The following OR4N2 variants were observed in gnomAD, a reference collection of about 807,000 sequenced individuals.
The protein encoded by OR4N2 is olfactory receptor family 4 subfamily N member 2, also known as olfactory receptor 4N2.
For synonymous variants in OR4N2, 141 were observed against 140.4 expected, an observed-to-expected ratio of 1.00 and a Z score of -0.03; for missense variants, 307 against 377.6, an observed-to-expected ratio of 0.81 and a Z score of 1.55.
intron 1 of OR4N2, among the ~76,000 whole-genome samples, chr14:19,823,212 G>A (rs908669158): frequency 1.8e-4 from 28 of 152,112 alleles, no homozygotes; most frequent in African/African-American, 6.5e-4. Flanking sequence ...CATCATTAGT[G>A]AGCTATTACT....
intron 1 of OR4N2, among the ~76,000 whole-genome samples, chr14:19,812,497 T>C (rs1879325650): frequency 6.6e-6 from 1 of 151,138 alleles, no homozygotes; most frequent in Non-Finnish European, 1.5e-5. Context: ...GCCGAGATAA[T>C]TTTTTTGTTT....
At position 19,828,226 on chromosome 14, in the gene OR4N2, C is replaced by T. The variant is rs145567436; in HGVS notation, c.778C>T (p.Arg260Cys). Residue 260 changes from arginine to cysteine, a missense_variant, in exon 2 of 2, where the codon CGC (arginine) becomes TGC (cysteine). Arg to Cys is a radical substitution (Grantham distance 180, BLOSUM62 -3). Transcript: ENST00000557677. ...TGGACCTGGCATCTTCATCTACACG[C>T]GCCCCTTCAGGGCTTTCCCAGCTGA... ...MFGPGIFIYT[R>C]PFRAFPADKV... 100 of 1,614,214 alleles carry T rather than the reference C, an allele frequency of 6.2e-5. No individual in the cohort carries two copies. The East Asian group carries it at 7.6e-4, about 12-fold the overall frequency.
chr14:19,817,137 T>C (rs1291233958), intron 1 of OR4N2, among the ~76,000 whole-genome samples: 2 of 152,188 alleles, frequency 1.3e-5, no homozygotes, highest in Non-Finnish European at 2.9e-5. Flanking sequence ...ATCAGGGATA[T>C]TGATCTGAAA....
chr14:19,829,212 C>T lies in OR4N2; in HGVS notation c.*840C>T, dbSNP rs916170315. 4 of 152,216 alleles carry T rather than the reference C, an allele frequency of 2.6e-5. No individual in the cohort carries two copies. Among genetic ancestry groups the T allele is most frequent in the Non-Finnish European group, 4.4e-5 (3 of 68,040 alleles). The allele number at this position is 152,216 out of a possible 1,614,324, so 9.4% of individuals were successfully genotyped here. A position where few individuals can be genotyped will look rare whatever the true frequency, so the allele number is the denominator to read the frequency against. On this transcript the variant is annotated 3_prime_UTR_variant, in exon 2 of 2. Coordinates refer to ENST00000557677, the MANE Select transcript of OR4N2 (RefSeq NM_001004723.3). ...TGGTTACTTTTACTGAAAAAGATCA[C>T]AAAAACATTTTACTTTTTTTTTCTA...
Position 19,807,714 on chromosome 14 carries a change from G to T in OR4N2, c.-10+3870G>T, listed in dbSNP as rs370295944. The stretch of plus-strand genomic sequence containing the variant: ...TATTCCAAAAAATTGAGGAGGAGGA[G>T]CTCCTCCCTAACTCATTCTATGAAG... On this transcript the variant is annotated intron_variant, in intron 1 of 1. Transcript: ENST00000557677. 3.9e-5 allele frequency among the ~76,000 whole-genome samples: 6 copies of T among 152,064 alleles called. No homozygotes were observed. In the East Asian group the frequency reaches 1.2e-3, roughly 29 times the overall value.
chr14:19,804,708 T>C (rs1371463462), intron 1 of OR4N2, among the ~76,000 whole-genome samples: 1 of 152,242 alleles, frequency 6.6e-6, no homozygotes, highest in African/African-American at 2.4e-5. Context: ...AGATGTCTGT[T>C]AGGACCATTT....
rs1301293593 is a variant in OR4N2 at position 19,828,310 on chromosome 14, A to G, written c.862A>G (p.Thr288Ala). ...IFPLLNPVIY[T>A]LRNQEVKASM... ...TCCTTTGTTGAATCCTGTCATTTAT[A>G]CCCTTCGCAACCAGGAAGTGAAAGC... The change falls in exon 2 of 2, where the codon ACC becomes GCC. Residue 288 changes from threonine (T) to alanine (A), a missense_variant. Physicochemically the swap from Thr to Ala is moderately conservative, Grantham distance 58 (BLOSUM62 0). Coordinates refer to ENST00000557677, the MANE Select transcript of OR4N2 (RefSeq NM_001004723.3). The G allele has an allele frequency of 6.2e-7, 1 of 1,613,866 alleles. No homozygotes were observed. Among genetic ancestry groups the G allele is most frequent in the East Asian group, 2.2e-5 (1 of 44,900 alleles).
rs756343717 is a variant in OR4N2 at position 19,828,187 on chromosome 14, A to C, written c.739A>C (p.Ile247Leu). 6.2e-7 allele frequency: 1 copy of C among 1,614,192 alleles called. No homozygotes were observed. Among genetic ancestry groups the C allele is most frequent in the South Asian group, 1.1e-5 (1 of 91,092 alleles). The change falls in exon 2 of 2, where the codon ATA becomes CTA. Residue 247 changes from isoleucine (I) to leucine (L), a missense_variant. Physicochemically the swap from Ile to Leu is conservative, Grantham distance 5. Transcript: ENST00000557677. ...CACGTGCATCACCCATATCATTGTT[A>C]TATTCTTCATGTTTGGACCTGGCAT... is the stretch of plus-strand genomic sequence containing the variant. ...MSTCITHIIV[I>L]FFMFGPGIFI...
Position 19,829,922 on chromosome 14 carries a change from T to G in OR4N2, c.*1550T>G, listed in dbSNP as rs943961969. 1.3e-5 allele frequency: 2 copies of G among 152,270 alleles called. No homozygotes were observed. Among genetic ancestry groups the G allele is most frequent in the African/African-American group, 4.8e-5 (2 of 41,460 alleles). 9.4% of individuals were successfully genotyped at this position (152,270 alleles called of 1,614,324 possible). On this transcript the variant is annotated 3_prime_UTR_variant, in exon 2 of 2. Transcript: ENST00000557677. ...ACTCTGTTTATTGCGTTGCTTCCTG[T>G]TTTAGTGAGAAAGGTAGCAGGTGAG...
At chr14:19,806,708 T>C (rs1465190419) in intron 1 of OR4N2, among the ~76,000 whole-genome samples, 1 of 152,180 alleles carries the variant, frequency 6.6e-6, no homozygotes, top group Non-Finnish European at 1.5e-5. Context: ...CTTGACTAAT[T>C]GGACCTAATA....
chr14:19,816,242 A>C (rs1158914852), intron 1 of OR4N2, among the ~76,000 whole-genome samples: 1 of 152,228 alleles, frequency 6.6e-6, no homozygotes, highest in Non-Finnish European at 1.5e-5. Context: ...GAAGAAAGTC[A>C]GTGGTAGCTT....
intron 1 of OR4N2, among the ~76,000 whole-genome samples, chr14:19,806,404 A>T (rs1174369875): frequency 2.0e-5 from 3 of 152,146 alleles, no homozygotes; most frequent in Non-Finnish European, 4.4e-5. Context: ...CAAAAAACAA[A>T]CAAACAAAAA....
chr14:19,824,848 A>G (rs1294098529), intron 1 of OR4N2, among the ~76,000 whole-genome samples: 4 of 152,242 alleles, frequency 2.6e-5, no homozygotes, highest in Admixed American at 2.6e-4. Context: ...TCAACTGTCT[A>G]TGTTACCAGC....
intron 1 of OR4N2, among the ~76,000 whole-genome samples, chr14:19,809,750 A>G (rs1879251456): frequency 6.6e-6 from 1 of 152,224 alleles, no homozygotes; most frequent in Non-Finnish European, 1.5e-5. Context: ...AGCAATAGGG[A>G]AAGGACTTTC....
At position 19,826,398 on chromosome 14, in the gene OR4N2, C is replaced by A. The variant is rs184218583; in HGVS notation, c.-9-1042C>A. On this transcript the variant is annotated intron_variant, in intron 1 of 1. Transcript: ENST00000557677. ...TCATTGAAGCTGTGATTAAAAAATT[C>A]TTTATCTATTTAAACTGAAGAGTAT... Among the ~76,000 whole-genome samples, 133 of 152,310 alleles carry A rather than the reference C, an allele frequency of 8.7e-4. 2 individuals are homozygous for A. The highest frequency in any genetic ancestry group is 8.4e-3 in the Admixed American group (128 of 15,294).
chr14:19,821,633 G>A (rs1312575886), intron 1 of OR4N2, among the ~76,000 whole-genome samples: 1 of 152,152 alleles, frequency 6.6e-6, no homozygotes, highest in African/African-American at 2.4e-5. Flanking sequence ...TCTGAATAGG[G>A]TTCTGTCTTT....
chr14:19,817,425 T>A (rs1291790738), intron 1 of OR4N2, among the ~76,000 whole-genome samples: 1 of 152,170 alleles, frequency 6.6e-6, no homozygotes, highest in Non-Finnish European at 1.5e-5. Flanking sequence ...CTTGGGAGGG[T>A]GTATGTGCCC....
chr14:19,819,558 A>G (rs1879511414), intron 1 of OR4N2, among the ~76,000 whole-genome samples: 1 of 152,200 alleles, frequency 6.6e-6, no homozygotes. Context: ...GTTCTTTTCT[A>G]AAGTGGTTAT....
At position 19,819,564 on chromosome 14, in the gene OR4N2, G is replaced by A. The variant is rs142136710; in HGVS notation, c.-9-7876G>A. Among the ~76,000 whole-genome samples, 267 of 152,322 alleles carry A rather than the reference G, an allele frequency of 1.8e-3. 1 individual carries two copies. Among genetic ancestry groups the A allele is most frequent in the Middle Eastern group, 6.8e-3 (2 of 294 alleles). ...GTTATTTATGTTCTTTTCTAAAGTG[G>A]TTATTCTAGTTATCAATTCCTCTAA... On this transcript the variant is annotated intron_variant, in intron 1 of 1. Coordinates refer to ENST00000557677, the MANE Select transcript of OR4N2 (RefSeq NM_001004723.3).
Sources: allele counts gnomAD v4.1 joint callset (sites outside exome capture counted in the v4.1 genomes callset), GRCh38; gene constraint gnomAD v4.1.1; transcripts MANE v1.5; gene names NCBI Gene and HGNC (gene_info 2026-07-23, HGNC 2026-07-21).